LDLRAD4: variants seen among roughly 807,000 people sequenced by gnomAD.
LDLRAD4 encodes low density lipoprotein receptor class A domain containing 4, also known as low-density lipoprotein receptor class A domain-containing protein 4.
Under a neutral mutation model 17.0 loss-of-function variants are expected in LDLRAD4, and 5 were observed. The ratio of observed to expected loss-of-function variants is 0.29; its 90% CI spans 0.15 to 0.62. The LOEUF is 0.62. Ranked by LOEUF, LDLRAD4 falls within the 20% of genes least tolerant of loss-of-function variation. The pLI, the probability that LDLRAD4 is intolerant of heterozygous loss-of-function variation, is 0.84. For synonymous variants in LDLRAD4, 168 were observed against 171.8 expected, an observed-to-expected ratio of 0.98 and a Z score of 0.17; for missense variants, 340 against 424.7, an observed-to-expected ratio of 0.80 and a Z score of 1.75.
chr18:13,644,292 C>T (rs918587473), intron 5 of LDLRAD4, among the ~76,000 whole-genome samples: 2 of 151,362 alleles, frequency 1.3e-5, no homozygotes, highest in Admixed American at 6.6e-5. Context: ...TTCTGGCCGG[C>T]GCAGTAGCTC....
chr18:13,569,032 T>C (rs545313390), intron 3 of LDLRAD4, among the ~76,000 whole-genome samples: 66 of 152,122 alleles, frequency 4.3e-4, no homozygotes, highest in Admixed American at 1.2e-3. Flanking sequence ...ATGAATGAGT[T>C]GATATTAGTG....
intron 3 of LDLRAD4, among the ~76,000 whole-genome samples, chr18:13,531,869 T>C (rs1294134687): frequency 6.6e-6 from 1 of 152,128 alleles, no homozygotes; most frequent in Non-Finnish European, 1.5e-5. Flanking sequence ...TGCAGGAGGC[T>C]GCGCTGAGGA....
chr18:13,410,238 TG>T, intron 2 of LDLRAD4, among the ~76,000 whole-genome samples: 1 of 148,076 alleles, frequency 6.8e-6, no homozygotes, highest in Non-Finnish European at 1.5e-5. Flanking sequence ...GGGATCCTGA[TG>T]GGGGGCGCTA....
intron 3 of LDLRAD4, among the ~76,000 whole-genome samples, chr18:13,444,964 G>T (rs925978249): frequency 4.6e-5 from 7 of 152,170 alleles, no homozygotes; most frequent in South Asian, 2.1e-4. Flanking sequence ...CCCACAAACT[G>T]CCTGTCCTTC....
At chr18:13,537,480 G>T (rs1310898251) in intron 3 of LDLRAD4, among the ~76,000 whole-genome samples, 6 of 152,172 alleles carry the variant, frequency 3.9e-5, no homozygotes, top group African/African-American at 1.4e-4. Context: ...CACCTGCACA[G>T]TTCATAATGG....
At chr18:13,236,665 C>T (rs1452092908) in intron 1 of LDLRAD4, among the ~76,000 whole-genome samples, 1 of 152,178 alleles carries the variant, frequency 6.6e-6, no homozygotes, top group Admixed American at 6.5e-5. Context: ...CCTCTGGGTG[C>T]TGGCGTTGCC....
At chr18:13,438,157 T>C (rs1189442992) in intron 2 of LDLRAD4, 87 bp from the exon 4 acceptor site, 2 of 1,214,010 alleles carry the variant, frequency 1.6e-6, no homozygotes, top group Non-Finnish European at 2.4e-6. Flanking sequence ...GGCATGCAAA[T>C]GGGGGAAAGA....
chr18:13,317,374 A>G (rs1360064652), intron 1 of LDLRAD4, among the ~76,000 whole-genome samples: 1 of 152,212 alleles, frequency 6.6e-6, no homozygotes, highest in Non-Finnish European at 1.5e-5. Flanking sequence ...GAAGATCCTG[A>G]CCTGCTCAGC....
intron 3 of LDLRAD4, among the ~76,000 whole-genome samples, chr18:13,592,739 T>G (rs1299885649): frequency 6.6e-6 from 1 of 152,238 alleles, no homozygotes; most frequent in South Asian, 2.1e-4. Flanking sequence ...ATTTAACTCT[T>G]GGAAACCCAA....
intron 2 of LDLRAD4, among the ~76,000 whole-genome samples, chr18:13,417,591 C>T (rs543290325): frequency 6.6e-5 from 10 of 152,210 alleles, no homozygotes; most frequent in Admixed American, 2.0e-4. Flanking sequence ...CGCCACCACA[C>T]CTGGCTAATT....
intron 1 of LDLRAD4, among the ~76,000 whole-genome samples, chr18:13,368,581 G>A (rs538903307): frequency 6.6e-6 from 1 of 152,240 alleles, no homozygotes; most frequent in East Asian, 1.9e-4. Context: ...TCTCCCCTGG[G>A]GGTGAGCCTG....
intron 1 of LDLRAD4, among the ~76,000 whole-genome samples, chr18:13,309,814 G>A (rs1160737767): frequency 1.3e-5 from 2 of 152,168 alleles, no homozygotes; most frequent in African/African-American, 2.4e-5. Context: ...CAGACACTGG[G>A]TGTCTTGGTG....
intron 1 of LDLRAD4, among the ~76,000 whole-genome samples, chr18:13,381,627 AGACT>A (rs2085374303): frequency 6.6e-6 from 1 of 152,140 alleles, no homozygotes; most frequent in African/African-American, 2.4e-5. Context: ...GGAGATCTTG[AGACT>A]GACTGGCCGT....
intron 3 of LDLRAD4, among the ~76,000 whole-genome samples, chr18:13,618,012 C>T (rs1268918966): frequency 6.6e-6 from 1 of 152,146 alleles, no homozygotes. Flanking sequence ...AAACGTGTGC[C>T]AGCCACACAC....
At chr18:13,549,065 T>C (rs893802246) in intron 3 of LDLRAD4, among the ~76,000 whole-genome samples, 1 of 152,220 alleles carries the variant, frequency 6.6e-6, no homozygotes, top group Non-Finnish European at 1.5e-5. Context: ...ATTTCGCTTT[T>C]GTCACAAATG....
chr18:13,596,255 A>AC (rs1450934133), intron 3 of LDLRAD4, among the ~76,000 whole-genome samples: 1 of 152,022 alleles, frequency 6.6e-6, no homozygotes, highest in African/African-American at 2.4e-5. Flanking sequence ...ACCTATTGCT[A>AC]TCTTTGATTC....
chr18:13,535,555 A>C (rs914094929), intron 3 of LDLRAD4, among the ~76,000 whole-genome samples: 2 of 152,170 alleles, frequency 1.3e-5, no homozygotes. Flanking sequence ...TTTTGAATAC[A>C]AACTTTTTGT....
chr18:13,556,305 G>A (rs9963422), intron 3 of LDLRAD4, among the ~76,000 whole-genome samples: 4,753 of 152,294 alleles, frequency 0.031, 246 homozygotes, highest in African/African-American at 0.11. Flanking sequence ...AGGCCCTAGG[G>A]CCTTGCTGGA....
intron 1 of LDLRAD4, among the ~76,000 whole-genome samples, chr18:13,272,557 C>T (rs1360067170): frequency 2.6e-5 from 4 of 152,248 alleles, no homozygotes; most frequent in Non-Finnish European, 4.4e-5. Flanking sequence ...TCCTCCTGGC[C>T]GCGTTAGTGT....
Sources: gnomAD v4.1 joint callset for allele counts (sites outside exome capture counted in the v4.1 genomes callset) on GRCh38, gnomAD v4.1.1 for gene constraint, MANE v1.5 for transcripts, NCBI Gene and HGNC (gene_info 2026-07-23, HGNC 2026-07-21) for gene names.